The following HYAL4 variants were observed in gnomAD, a reference collection of about 807,000 sequenced individuals.
HYAL4 encodes hyaluronidase 4, also known as hyaluronidase-4.
Under a neutral mutation model 35.2 loss-of-function variants are expected in HYAL4, and 37 were observed. That is an observed-to-expected ratio of 1.05 (90% CI 0.81 to 1.38). HYAL4 has a LOEUF of 1.38. Among genes scored for constraint, HYAL4 ranks in the 40% most tolerant of loss-of-function variants. HYAL4 has a pLI of 0.00. For synonymous variants in HYAL4, 198 were observed against 203.2 expected, an observed-to-expected ratio of 0.97 and a Z score of 0.22; for missense variants, 572 against 572.4, an observed-to-expected ratio of 1.00 and a Z score of 0.01.
the HYAL4 span, among the ~76,000 whole-genome samples, chr7:123,778,887 C>T: frequency 2.0e-5 from 3 of 152,170 alleles, no homozygotes; most frequent in Admixed American, 1.3e-4. Context: ...TCCTCATACT[C>T]TTTAGCCAAA....
chr7:123,771,877 A>G, the HYAL4 span, among the ~76,000 whole-genome samples: 1 of 151,212 alleles, frequency 6.6e-6, no homozygotes, highest in Non-Finnish European at 1.5e-5. Context: ...AGTAAAGTAC[A>G]TTGCCCAAGA....
chr7:123,838,185 G>T (rs1389117174), intron 1 of HYAL4, among the ~76,000 whole-genome samples: 1 of 150,382 alleles, frequency 6.6e-6, no homozygotes, highest in Non-Finnish European at 1.5e-5. Context: ...CATGAATCCT[G>T]ACTCCAGACT....
In HYAL4 at chr7:123,852,177, A is replaced by G. The variant is rs149390077; in HGVS notation, c.-52+4019A>G. 2.5e-3 allele frequency among the ~76,000 whole-genome samples: 379 copies of G among 152,186 alleles called. 2 individuals are homozygous for G. The highest frequency in any genetic ancestry group is 8.5e-3 in the African/African-American group (351 of 41,516). On this transcript the variant is annotated intron_variant, in intron 2 of 4. Coordinates refer to ENST00000223026, the MANE Select transcript of HYAL4 (RefSeq NM_012269.3). ...GGGTAGATTGCAAAAATTTTCTCTC[A>G]TTCTGTAGGTTGCCTGTTCACTCTG...
At chr7:123,832,197 C>T (rs1805893852) in intron 1 of HYAL4, among the ~76,000 whole-genome samples, 1 of 152,104 alleles carries the variant, frequency 6.6e-6, no homozygotes, top group Non-Finnish European at 1.5e-5. Context: ...GTCCTCCACC[C>T]ATTTCCATTT....
the HYAL4 span, among the ~76,000 whole-genome samples, chr7:123,788,899 A>G: frequency 1.3e-5 from 2 of 152,362 alleles, no homozygotes; most frequent in African/African-American, 4.8e-5. Flanking sequence ...TTCTTTAGAT[A>G]GCTAAAGCCC....
intron 3 of HYAL4, among the ~76,000 whole-genome samples, chr7:123,870,195 T>G (rs1428386955): frequency 6.6e-6 from 1 of 152,198 alleles, no homozygotes; most frequent in African/African-American, 2.4e-5. Context: ...TTCTGAGTTC[T>G]AGGCATCCTA....
In HYAL4 at chr7:123,877,006, T is replaced by A; in HGVS notation, c.1297T>A (p.Phe433Ile). The change falls in exon 5 of 5, where the codon TTT (phenylalanine) becomes ATT (isoleucine). Residue 433 changes from phenylalanine (F) to isoleucine (I), a missense_variant. By Grantham distance (21) the Phe-to-Ile change is conservative. Transcript: ENST00000223026. Reference sequence around the variant, plus strand: ...AGACCTGGCAGTGATGGCAGATACATTTTCCTGTCATTGTTATCAGGGATA... The same window carrying A: ...AGACCTGGCAGTGATGGCAGATACAATTTCCTGTCATTGTTATCAGGGATA... ...DTDLAVMADT[F>I]SCHCYQGYEG... is the part of the protein sequence containing the mutation. 6.2e-7 allele frequency: 1 copy of A among 1,614,194 alleles called. No individual in the cohort carries two copies. Among genetic ancestry groups the A allele is most frequent in the Non-Finnish European group, 8.5e-7 (1 of 1,180,022 alleles).
At chr7:123,766,884 A>G in the HYAL4 span, among the ~76,000 whole-genome samples, 1 of 152,154 alleles carries the variant, frequency 6.6e-6, no homozygotes, top group Non-Finnish European at 1.5e-5. Context: ...TAACTATGTC[A>G]ATGCTTTTAA....
chr7:123,813,318 A>G, the HYAL4 span, among the ~76,000 whole-genome samples: 1 of 152,192 alleles, frequency 6.6e-6, no homozygotes, highest in Admixed American at 6.6e-5. Context: ...TGCATCAACT[A>G]TTAGATAGTC....
chr7:123,845,035 T>A (rs1470115188), upstream of HYAL4: 1 of 152,166 alleles, frequency 6.6e-6, no homozygotes, highest in Non-Finnish European at 1.5e-5. Context: ...CTGCACCCAC[T>A]GTCCAACCAG....
chr7:123,779,020 G>T, the HYAL4 span, among the ~76,000 whole-genome samples: 4 of 151,950 alleles, frequency 2.6e-5, no homozygotes, highest in Non-Finnish European at 5.9e-5. Context: ...TAGCTTTTTT[G>T]TTTGTTTGTT....
intron 2 of HYAL4, among the ~76,000 whole-genome samples, chr7:123,857,286 G>A (rs1241550775): frequency 6.6e-6 from 1 of 152,114 alleles, no homozygotes; most frequent in Non-Finnish European, 1.5e-5. Context: ...CCAGTTTTGT[G>A]CTTGAAACCC....
At chr7:123,788,964 C>T in the HYAL4 span, among the ~76,000 whole-genome samples, 1 of 152,158 alleles carries the variant, frequency 6.6e-6, no homozygotes, top group Non-Finnish European at 1.5e-5. Context: ...CACGAGACCA[C>T]CACCATGCAT....
chr7:123,818,168 C>T, the HYAL4 span, among the ~76,000 whole-genome samples: 1 of 152,190 alleles, frequency 6.6e-6, no homozygotes, highest in Admixed American at 6.5e-5. Context: ...TGAGCCACTG[C>T]ACCTGACCAG....
chr7:123,769,450 G>A, the HYAL4 span, among the ~76,000 whole-genome samples: 1 of 152,160 alleles, frequency 6.6e-6, no homozygotes, highest in Non-Finnish European at 1.5e-5. Context: ...CAACAGTTTT[G>A]CTGATCCAAG....
At chr7:123,814,984 AT>A in the HYAL4 span, 17,270 of 152,506 alleles carry the variant, frequency 0.11, 1,108 homozygotes, top group Non-Finnish European at 0.14. Flanking sequence ...GCCAGTTTTT[AT>A]TTTTTCCAGA....
chr7:123,786,521 T>G, the HYAL4 span, among the ~76,000 whole-genome samples: 3 of 152,206 alleles, frequency 2.0e-5, no homozygotes, highest in African/African-American at 7.2e-5. Flanking sequence ...TTTATTTTTT[T>G]TTTTTGAAAA....
the HYAL4 span, among the ~76,000 whole-genome samples, chr7:123,774,788 C>T: frequency 6.6e-6 from 1 of 152,148 alleles, no homozygotes; most frequent in African/African-American, 2.4e-5. Flanking sequence ...AGGCACTTTC[C>T]CTTCTGACTC....
chr7:123,783,594 A>G, the HYAL4 span, among the ~76,000 whole-genome samples: 1 of 152,154 alleles, frequency 6.6e-6, no homozygotes, highest in African/African-American at 2.4e-5. Context: ...CACAGAGAGT[A>G]TAAGTATTTT....
Sources: allele counts gnomAD v4.1 joint callset (sites outside exome capture counted in the v4.1 genomes callset), GRCh38; gene constraint gnomAD v4.1.1; transcripts MANE v1.5; gene names NCBI Gene and HGNC (gene_info 2026-07-23, HGNC 2026-07-21).